Variants in LHFPL3 observed in about 807,000 individuals in gnomAD.
The protein encoded by LHFPL3 is LHFPL tetraspan subfamily member 3.
A neutral mutation model predicts 19.3 loss-of-function variants in LHFPL3; 5 were observed. The observed-to-expected ratio is 0.26, with a 90% confidence interval of 0.14 to 0.54. The LOEUF is 0.54. LHFPL3 is among the 20% of genes least tolerant of loss of function. The pLI is 0.94. For synonymous variants in LHFPL3, 133 were observed against 126.2 expected, an observed-to-expected ratio of 1.05 and a Z score of -0.36; for missense variants, 249 against 307.4, an observed-to-expected ratio of 0.81 and a Z score of 1.42.
At chr7:104,793,433 A>G (rs1465104301) in intron 2 of LHFPL3, among the ~76,000 whole-genome samples, 1 of 152,248 alleles carries the variant, frequency 6.6e-6, no homozygotes, top group African/African-American at 2.4e-5. Context: ...AAGAAATTTT[A>G]AAAGCAGTCC....
chr7:104,559,420 G>T (rs1014733903), intron 1 of LHFPL3, among the ~76,000 whole-genome samples: 7 of 149,710 alleles, frequency 4.7e-5, no homozygotes, highest in South Asian at 4.3e-4. Flanking sequence ...GGATTCCTAG[G>T]TATTTTATTC....
At chr7:104,484,799 G>A (rs73179957) in intron 1 of LHFPL3, among the ~76,000 whole-genome samples, 3,703 of 152,274 alleles carry the variant, frequency 0.024, 69 homozygotes, top group Middle Eastern at 0.048. Flanking sequence ...GAGACAGGAA[G>A]GGGGCTGAAC....
chr7:104,391,012 C>A (rs1309069204), intron 1 of LHFPL3, among the ~76,000 whole-genome samples: 3 of 152,116 alleles, frequency 2.0e-5, no homozygotes, highest in South Asian at 4.2e-4. Flanking sequence ...ATATCCTTCG[C>A]CTACTTTTTG....
intron 1 of LHFPL3, among the ~76,000 whole-genome samples, chr7:104,422,398 T>C (rs575964158): frequency 7.0e-6 from 1 of 143,208 alleles, no homozygotes; most frequent in South Asian, 2.2e-4. Flanking sequence ...AATATTTCAG[T>C]TGTTTGTAAC....
At chr7:104,778,626 G>A (rs1051594450) in intron 2 of LHFPL3, among the ~76,000 whole-genome samples, 5 of 152,138 alleles carry the variant, frequency 3.3e-5, no homozygotes, top group East Asian at 3.8e-4. Context: ...CTCCTACTTA[G>A]GCCAGCCTCC....
chr7:104,729,902 C>G (rs562604413), intron 1 of LHFPL3, among the ~76,000 whole-genome samples: 31 of 152,122 alleles, frequency 2.0e-4, no homozygotes, highest in Admixed American at 3.9e-4. Context: ...CCACTCCCCC[C>G]ACCCCACAAC....
intron 2 of LHFPL3, among the ~76,000 whole-genome samples, chr7:104,862,733 C>G (rs1267317505): frequency 1.3e-5 from 2 of 152,128 alleles, no homozygotes; most frequent in African/African-American, 4.8e-5. Flanking sequence ...AACCCTGGGG[C>G]CAGCTTTCCA....
chr7:104,731,493 T>C (rs1793704201), intron 1 of LHFPL3, among the ~76,000 whole-genome samples: 1 of 152,224 alleles, frequency 6.6e-6, no homozygotes, highest in Admixed American at 6.5e-5. Context: ...CAATTGTGAA[T>C]GGGAGTTCAC....
chr7:104,735,723 C>T (rs1369281689), intron 1 of LHFPL3, among the ~76,000 whole-genome samples: 1 of 152,262 alleles, frequency 6.6e-6, no homozygotes, highest in Admixed American at 6.5e-5. Flanking sequence ...CACCCACTGT[C>T]TGACAAGCCC....
chr7:104,595,923 G>C (rs1250011092), intron 1 of LHFPL3, among the ~76,000 whole-genome samples: 1 of 152,242 alleles, frequency 6.6e-6, no homozygotes, highest in Non-Finnish European at 1.5e-5. Flanking sequence ...GGGAACAACA[G>C]AATATTGGGG....
chr7:104,619,302 TTTTC>T (rs1301196478), intron 1 of LHFPL3, among the ~76,000 whole-genome samples: 4 of 152,214 alleles, frequency 2.6e-5, no homozygotes, highest in African/African-American at 9.6e-5. Context: ...ATTGCATTGC[TTTTC>T]TTTATCCTTC....
intron 1 of LHFPL3, among the ~76,000 whole-genome samples, chr7:104,452,261 C>T (rs930722816): frequency 4.6e-5 from 7 of 152,168 alleles, no homozygotes; most frequent in African/African-American, 1.7e-4. Context: ...TGACATCAGA[C>T]ATCATTTAAA....
intron 2 of LHFPL3, among the ~76,000 whole-genome samples, chr7:104,778,939 T>C (rs1026980150): frequency 7.2e-5 from 11 of 152,362 alleles, no homozygotes; most frequent in Non-Finnish European, 1.6e-4. Context: ...GCTAAATAAA[T>C]GGGAGCCATT....
At chr7:104,869,465 A>C (rs1055543155) in intron 2 of LHFPL3, among the ~76,000 whole-genome samples, 1 of 152,222 alleles carries the variant, frequency 6.6e-6, no homozygotes, top group African/African-American at 2.4e-5. Flanking sequence ...GAAGACATTT[A>C]TGCAGCCAAA....
At chr7:104,790,699 A>G (rs1330737771) in intron 2 of LHFPL3, among the ~76,000 whole-genome samples, 1 of 152,204 alleles carries the variant, frequency 6.6e-6, no homozygotes, top group Non-Finnish European at 1.5e-5. Context: ...AGCAGGAAAG[A>G]TGGACATTCT....
At chr7:104,463,474 G>A (rs1018385478) in intron 1 of LHFPL3, among the ~76,000 whole-genome samples, 1 of 152,136 alleles carries the variant, frequency 6.6e-6, no homozygotes, top group African/African-American at 2.4e-5. Flanking sequence ...CTTGATTTCT[G>A]CCTATATTAG....
chr7:104,455,186 AT>A (rs1364553432), intron 1 of LHFPL3, among the ~76,000 whole-genome samples: 2 of 152,210 alleles, frequency 1.3e-5, no homozygotes, highest in African/African-American at 4.8e-5. Context: ...GGATCTTGTG[AT>A]TTAAAAATGC....
chr7:104,574,051 T>A (rs1790279026), intron 1 of LHFPL3, among the ~76,000 whole-genome samples: 1 of 152,228 alleles, frequency 6.6e-6, no homozygotes, highest in Non-Finnish European at 1.5e-5. Flanking sequence ...GATCTCTTGA[T>A]TGTGTCCAAG....
rs182198987 is a variant in LHFPL3, at chr7:104,345,073, A to G, written c.445+15849A>G. Reference sequence around the variant, plus strand: ...ATGGAAGGATTTTTATACTACTATTACATTTCTTTAATTGTTATAGAATCA... The same window carrying G: ...ATGGAAGGATTTTTATACTACTATTGCATTTCTTTAATTGTTATAGAATCA... On this transcript the variant is annotated intron_variant, in intron 1 of 2. Transcript: ENST00000424859. Among the ~76,000 whole-genome samples, 119 of 152,304 alleles carry G rather than the reference A, an allele frequency of 7.8e-4. 1 individual carries two copies. The highest frequency in any genetic ancestry group is 1.3e-3 in the Non-Finnish European group (90 of 68,012).
Sources: allele counts gnomAD v4.1 joint callset (sites outside exome capture counted in the v4.1 genomes callset), GRCh38; gene constraint gnomAD v4.1.1; transcripts MANE v1.5; gene names NCBI Gene and HGNC (gene_info 2026-07-23, HGNC 2026-07-21).